STRN: variants seen among roughly 807,000 people sequenced by gnomAD.
STRN encodes protein phosphatase 2 regulatory subunit B'''alpha.
Under a neutral mutation model 96.3 loss-of-function variants are expected in STRN, and 53 were observed. The observed-to-expected ratio is 0.55, with a 90% CI of 0.44 to 0.69. STRN has a LOEUF of 0.69. Ranked by LOEUF, STRN falls within the 30% of genes least tolerant of loss-of-function variation. The probability of loss-of-function intolerance (pLI) is 0.00; values close to 1 mark genes in which losing one functional copy is unlikely to be tolerated. For missense variants in STRN, 987 were observed against 963.9 expected (o/e 1.02, Z -0.32); for synonymous variants, 428 against 355.9 (o/e 1.20, Z -2.28).
intron 14 of STRN, among the ~76,000 whole-genome samples, 197 bp downstream of exon 14, chr2:36,857,659 C>A (rs1668380280): frequency 6.6e-6 from 1 of 150,800 alleles, no homozygotes; most frequent in South Asian, 2.1e-4. Context: ...TACTCCGTCT[C>A]AAAAAAAACA....
chr2:36,876,038 G>A (rs921429022), intron 10 of STRN, among the ~76,000 whole-genome samples: 2 of 152,160 alleles, frequency 1.3e-5, no homozygotes, highest in African/African-American at 4.8e-5. Context: ...GGAGGCTGAG[G>A]CAGGTGAACT....
In STRN at chr2:36,849,419, C is replaced by T. The variant is rs1039004826; in HGVS notation, c.*37G>A. The stretch of plus-strand genomic sequence containing the variant: ...TGTATCTCTTGTGTGCAGTTGATTA[C>T]TTATAAACAGCTAGAAGGTGAAGAT... On this transcript the variant is annotated 3_prime_UTR_variant, in exon 18 of 18. Transcript: ENST00000263918. 3 of 1,609,348 alleles carry T rather than the reference C, an allele frequency of 1.9e-6. No homozygotes were observed. Among genetic ancestry groups the T allele is most frequent in the South Asian group, 2.2e-5 (2 of 90,524 alleles).
intron 2 of STRN, among the ~76,000 whole-genome samples, chr2:36,919,072 G>A (rs1572674147): frequency 6.6e-6 from 1 of 152,182 alleles, no homozygotes; most frequent in African/African-American, 2.4e-5. Context: ...TATGCTAGGA[G>A]TATAACAGCA....
chr2:36,838,994 C>T lies in STRN; in HGVS notation c.*10462G>A, dbSNP rs962813679. On this transcript the variant is annotated 3_prime_UTR_variant, in exon 18 of 18. Transcript: ENST00000263918. ...AAATTTGTAAGGTGCTCATGATACA[C>T]ATTATATTAGAAAAAGCAAGTGCAG... 6.6e-6 allele frequency among the ~76,000 whole-genome samples: 1 copy of T among 152,192 alleles called. No homozygotes were observed. Among genetic ancestry groups the T allele is most frequent in the East Asian group, 1.9e-4 (1 of 5,184 alleles).
intron 3 of STRN, among the ~76,000 whole-genome samples, chr2:36,913,957 C>T (rs1014518950): frequency 3.3e-5 from 5 of 152,108 alleles, no homozygotes; most frequent in Admixed American, 3.3e-4. Context: ...GCCCCTTCTA[C>T]TGAGCTGCGC....
intron 7 of STRN, among the ~76,000 whole-genome samples, chr2:36,891,424 G>A (rs1572652349): frequency 1.3e-5 from 2 of 152,166 alleles, no homozygotes; most frequent in Admixed American, 1.3e-4. Flanking sequence ...TACTCTGGAG[G>A]CTGAGGCAGG....
intron 9 of STRN, 78 bp downstream of exon 9, chr2:36,883,854 G>A: frequency 1.6e-6 from 2 of 1,258,738 alleles, no homozygotes; most frequent in South Asian, 3.4e-5. Flanking sequence ...TCTCTAATAG[G>A]AGAGGCCTTT....
rs896970058 is a variant in STRN at position 36,849,149 on chromosome 2, G to A, written c.*307C>T. Reference sequence around the variant, plus strand: ...TGCCCTACTTACTCAACAGGGACAAGCTAAACTTGTATTCGCTCAGGCCTG... The same window carrying A: ...TGCCCTACTTACTCAACAGGGACAAACTAAACTTGTATTCGCTCAGGCCTG... On this transcript the variant is annotated 3_prime_UTR_variant, in exon 18 of 18. Transcript: ENST00000263918. The A allele has an allele frequency of 6.9e-6, 2 of 288,584 alleles. No homozygotes were observed. Among genetic ancestry groups the A allele is most frequent in the Non-Finnish European group, 1.3e-5 (2 of 153,670 alleles). The allele number at this position is 288,584 out of a possible 1,614,324, so 17.9% of individuals were successfully genotyped here.
chr2:36,934,115 A>G (rs1670643700), intron 1 of STRN, among the ~76,000 whole-genome samples: 1 of 152,160 alleles, frequency 6.6e-6, no homozygotes, highest in Non-Finnish European at 1.5e-5. Context: ...TCTCGAAAGA[A>G]AAAAGAAAAA....
chr2:36,958,148 G>A (rs565335967), intron 1 of STRN, among the ~76,000 whole-genome samples: 1 of 151,940 alleles, frequency 6.6e-6, no homozygotes, highest in African/African-American at 2.4e-5. Context: ...TTGAACTCCG[G>A]ACCTCAGGTG....
chr2:36,902,355 CTATTAAATATCTG>C (rs542149583), intron 5 of STRN, among the ~76,000 whole-genome samples: 14 of 152,186 alleles, frequency 9.2e-5, no homozygotes, highest in Non-Finnish European at 1.9e-4. Flanking sequence ...ATACTAAAAT[CTATTAAATATCTG>C]TATTAAATAA....
chr2:36,946,696 GT>G (rs1303029586), intron 1 of STRN, among the ~76,000 whole-genome samples: 2 of 152,060 alleles, frequency 1.3e-5, no homozygotes, highest in Non-Finnish European at 2.9e-5. Flanking sequence ...TATATCCTGT[GT>G]TTTTGTATAT....
At chr2:36,882,554 C>G (rs1035438344) in intron 9 of STRN, among the ~76,000 whole-genome samples, 1 of 151,938 alleles carries the variant, frequency 6.6e-6, no homozygotes, top group African/African-American at 2.4e-5. Context: ...ATCACTTGAG[C>G]CCAGGAGTTT....
intron 1 of STRN, among the ~76,000 whole-genome samples, chr2:36,954,193 G>T (rs1221225815): frequency 9.2e-5 from 14 of 151,892 alleles, no homozygotes; most frequent in Non-Finnish European, 1.6e-4. Context: ...ACTTAGTTAA[G>T]CTACCCTCAG....
intron 2 of STRN, among the ~76,000 whole-genome samples, chr2:36,919,169 T>C (rs1286673961): frequency 6.6e-6 from 1 of 152,196 alleles, no homozygotes; most frequent in Non-Finnish European, 1.5e-5. Context: ...TTACAGGCAC[T>C]GTGCTGGCTG....
intron 7 of STRN, among the ~76,000 whole-genome samples, chr2:36,887,416 G>A (rs1669269024): frequency 1.3e-5 from 2 of 151,996 alleles, no homozygotes; most frequent in African/African-American, 2.4e-5. Context: ...GTTGCAATGA[G>A]CCGAGATTGT....
chr2:36,897,549 C>T (rs1229139678), intron 6 of STRN, among the ~76,000 whole-genome samples: 1 of 151,610 alleles, frequency 6.6e-6, no homozygotes, highest in Non-Finnish European at 1.5e-5. Flanking sequence ...CATTCTCCTG[C>T]CTCAGCCTCC....
rs1272489007 is a variant in STRN at position 36,844,867 on chromosome 2, T to G, written c.*4589A>C. 6.6e-6 allele frequency: 1 copy of G among 152,056 alleles called. No individual in the cohort carries two copies. Among genetic ancestry groups the G allele is most frequent in the Non-Finnish European group, 1.5e-5 (1 of 68,018 alleles). 9.4% of individuals were successfully genotyped at this position (152,056 alleles called of 1,614,324 possible). On this transcript the variant is annotated 3_prime_UTR_variant, in exon 18 of 18. Coordinates refer to ENST00000263918, the MANE Select transcript of STRN (RefSeq NM_003162.4). ...TCCTTTGTTTTTAAACACAGATACG[T>G]TTTTCTGGGCCTTTCTCTAAAATGA...
At chr2:36,948,742 C>T (rs891234394) in intron 1 of STRN, among the ~76,000 whole-genome samples, 1 of 152,132 alleles carries the variant, frequency 6.6e-6, no homozygotes, top group Non-Finnish European at 1.5e-5. Flanking sequence ...GTAGCACACC[C>T]TAATTGCCAA....
Sources: allele counts gnomAD v4.1 joint callset (sites outside exome capture counted in the v4.1 genomes callset), GRCh38; gene constraint gnomAD v4.1.1; transcripts MANE v1.5; gene names NCBI Gene and HGNC (gene_info 2026-07-23, HGNC 2026-07-21).